Variants in TMTC2 observed in about 807,000 individuals in gnomAD.
The protein encoded by TMTC2 is transmembrane O-mannosyltransferase targeting cadherins 2, also known as protein O-mannosyl-transferase TMTC2.
TMTC2 carries 43 observed loss-of-function variants against 82.4 expected under a neutral mutation model. The ratio of observed to expected loss-of-function variants is 0.52; its 90% CI spans 0.41 to 0.67. The LOEUF (loss-of-function observed/expected upper bound fraction) is 0.67, where lower values mean the gene tolerates loss of function less well. Ranked by LOEUF, TMTC2 falls within the 30% of genes least tolerant of loss-of-function variation. TMTC2 has a pLI of 0.00. For synonymous variants in TMTC2, 408 were observed against 381.9 expected (o/e 1.07, Z -0.80); for missense variants, 919 against 1,012.4 (o/e 0.91, Z 1.25).
chr12:82,869,637 G>A (rs1433302152), intron 2 of TMTC2, among the ~76,000 whole-genome samples: 1 of 151,896 alleles, frequency 6.6e-6, no homozygotes, highest in African/African-American at 2.4e-5. Context: ...CCAGGAGTTC[G>A]AGACCAGCCT....
At chr12:82,709,335 C>T (rs1490771414) in intron 1 of TMTC2, among the ~76,000 whole-genome samples, 6 of 152,112 alleles carry the variant, frequency 3.9e-5, no homozygotes, top group Non-Finnish European at 4.4e-5. Context: ...TAACAATTGG[C>T]TTTTCAAAAT....
intron 1 of TMTC2, among the ~76,000 whole-genome samples, chr12:82,733,301 G>C (rs1874926316): frequency 6.6e-6 from 1 of 152,148 alleles, no homozygotes; most frequent in Admixed American, 6.5e-5. Context: ...TGCTATTTCA[G>C]TTCAGCAACA....
chr12:83,018,978 G>A (rs1880798065), intron 8 of TMTC2, among the ~76,000 whole-genome samples: 1 of 152,162 alleles, frequency 6.6e-6, no homozygotes, highest in South Asian at 2.1e-4. Context: ...ATGGTAATTA[G>A]AGTACATATG....
At chr12:83,052,541 A>G (rs1341086379) in intron 10 of TMTC2, among the ~76,000 whole-genome samples, 1 of 152,288 alleles carries the variant, frequency 6.6e-6, no homozygotes, top group African/African-American at 2.4e-5. Context: ...TTTGTTCCTC[A>G]TGAATAAAAC....
chr12:82,959,740 G>A (rs1201769328), intron 4 of TMTC2, among the ~76,000 whole-genome samples: 1 of 151,970 alleles, frequency 6.6e-6, no homozygotes, highest in Non-Finnish European at 1.5e-5. Context: ...AAACCTAAGA[G>A]ACACCATTCT....
chr12:83,068,073 T>C (rs1051754191), intron 11 of TMTC2, among the ~76,000 whole-genome samples: 2 of 152,048 alleles, frequency 1.3e-5, no homozygotes, highest in African/African-American at 4.8e-5. Context: ...CTGAGAAACA[T>C]GGAAAGAGAA....
chr12:82,951,612 C>A (rs570311713), intron 4 of TMTC2, among the ~76,000 whole-genome samples: 1 of 152,270 alleles, frequency 6.6e-6, no homozygotes, highest in Admixed American at 6.5e-5. Flanking sequence ...TGAGCCACTG[C>A]GCCCAGCTGG....
chr12:83,122,217 G>A (rs1462044736), intron 11 of TMTC2, among the ~76,000 whole-genome samples: 1 of 151,724 alleles, frequency 6.6e-6, no homozygotes. Flanking sequence ...GGGCAGGCAG[G>A]GCTGAGAACT....
At chr12:82,939,916 C>G (rs958857657) in intron 4 of TMTC2, among the ~76,000 whole-genome samples, 8 of 151,052 alleles carry the variant, frequency 5.3e-5, no homozygotes, top group African/African-American at 1.9e-4. Flanking sequence ...GGGTTTTCAT[C>G]GGTTTTGCAG....
intron 11 of TMTC2, among the ~76,000 whole-genome samples, chr12:83,092,264 C>G (rs59795570): frequency 0.055 from 8,324 of 152,250 alleles, 337 homozygotes; most frequent in East Asian, 0.22. Flanking sequence ...CAGCAGCTCC[C>G]AGCCTCACAT....
chr12:82,821,906 A>C (rs1198838586), intron 1 of TMTC2, among the ~76,000 whole-genome samples: 1 of 151,356 alleles, frequency 6.6e-6, no homozygotes, highest in Non-Finnish European at 1.5e-5. Flanking sequence ...AAAAAAAAAA[A>C]AGCTAGATGT....
chr12:82,818,271 TAA>T (rs376931102), intron 1 of TMTC2, among the ~76,000 whole-genome samples: 76 of 152,240 alleles, frequency 5.0e-4, no homozygotes, highest in Admixed American at 1.3e-3. Context: ...ATTCATATTA[TAA>T]GAGTAATTTC....
intron 11 of TMTC2, among the ~76,000 whole-genome samples, chr12:83,115,649 T>TA (rs1884730277): frequency 1.0e-4 from 2 of 20,050 alleles, no homozygotes; most frequent in African/African-American, 1.2e-3. Flanking sequence ...TTTTTATTAT[T>TA]TTTTTTTTTA....
intron 3 of TMTC2, among the ~76,000 whole-genome samples, chr12:82,929,563 G>A (rs17727130): frequency 0.055 from 8,325 of 151,992 alleles, 321 homozygotes; most frequent in Non-Finnish European, 0.081. Context: ...CATTTTTCAG[G>A]TACAGTCAGT....
At chr12:83,032,894 G>A (rs1881500484) in intron 9 of TMTC2, among the ~76,000 whole-genome samples, 2 of 152,018 alleles carry the variant, frequency 1.3e-5, no homozygotes, top group South Asian at 4.1e-4. Flanking sequence ...TATTTGGAAA[G>A]CAGTGATAAC....
intron 11 of TMTC2, among the ~76,000 whole-genome samples, chr12:83,093,400 T>G (rs1883909842): frequency 6.6e-6 from 1 of 152,216 alleles, no homozygotes; most frequent in Non-Finnish European, 1.5e-5. Flanking sequence ...ACTTTTCCGT[T>G]TCTTTTGTGC....
At chr12:82,838,818 G>C (rs1382819213) in intron 1 of TMTC2, among the ~76,000 whole-genome samples, 1 of 150,468 alleles carries the variant, frequency 6.6e-6, no homozygotes, top group Non-Finnish European at 1.5e-5. Context: ...TAGGACGATG[G>C]CTTTATGGTG....
rs565418021 is a variant in TMTC2 at position 82,875,917 on chromosome 12, A to G, written c.654+18337A>G. ...TCACGCTTAAAAAAAAAAAAAAAAAAAAAGAAAGAAAACTGAGCAGTAAAT... is the reference window on the plus strand; with the variant it reads ...TCACGCTTAAAAAAAAAAAAAAAAAGAAAGAAAGAAAACTGAGCAGTAAAT... On this transcript the variant is annotated intron_variant, in intron 2 of 11. Coordinates refer to ENST00000321196, the MANE Select transcript of TMTC2 (RefSeq NM_152588.3). Among the ~76,000 whole-genome samples the G allele has an allele frequency of 1.9e-3, 286 of 151,524 alleles. 2 individuals are homozygous for G. Among genetic ancestry groups the G allele is most frequent in the African/African-American group, 4.2e-3 (175 of 41,334 alleles).
Position 82,855,327 on chromosome 12 carries a change from C to T in TMTC2, c.84-1683C>T, listed in dbSNP as rs545641771. ...GAATGAAAGAGTTAGGACTCAGGAA[C>T]GTTTTCCCTGAATCCAGAGTTTTTC... On this transcript the variant is annotated intron_variant, in intron 1 of 11. Coordinates refer to ENST00000321196, the MANE Select transcript of TMTC2 (RefSeq NM_152588.3). Among the ~76,000 whole-genome samples, 3 of 152,270 alleles carry T rather than the reference C, an allele frequency of 2.0e-5. 1 individual carries two copies. Among genetic ancestry groups the T allele is most frequent in the African/African-American group, 7.2e-5 (3 of 41,558 alleles).
Sources: gnomAD v4.1 joint callset for allele counts (sites outside exome capture counted in the v4.1 genomes callset) on GRCh38, gnomAD v4.1.1 for gene constraint, MANE v1.5 for transcripts, NCBI Gene and HGNC (gene_info 2026-07-23, HGNC 2026-07-21) for gene names.